Variants in PGBD5 observed in about 807,000 individuals in gnomAD.
PGBD5 encodes the protein piggyBac transposable element derived 5, also known as piggyBac transposable element-derived protein 5.
PGBD5 carries 14 observed loss-of-function variants against 47.9 expected under a neutral mutation model. The observed-to-expected ratio is 0.29, with a 90% CI of 0.19 to 0.46. The LOEUF (loss-of-function observed/expected upper bound fraction) is 0.46, where lower values mean the gene tolerates loss of function less well. PGBD5 is among the 20% of genes least tolerant of loss of function. PGBD5 has a pLI of 1.00. For missense variants in PGBD5, 635 were observed against 716.0 expected (o/e 0.89, Z 1.29); for synonymous variants, 316 against 306.3 (o/e 1.03, Z -0.33).
intron 1 of PGBD5, among the ~76,000 whole-genome samples, chr1:230,406,238 G>C (rs1477388946): frequency 6.7e-6 from 1 of 148,380 alleles, no homozygotes; most frequent in Non-Finnish European, 1.5e-5. Context: ...AACCCAGGAG[G>C]CAGAGCTTGC....
chr1:230,410,274 C>T (rs1467453681), intron 1 of PGBD5, among the ~76,000 whole-genome samples: 1 of 152,062 alleles, frequency 6.6e-6, no homozygotes, highest in African/African-American at 2.4e-5. Context: ...AATTCAAGAA[C>T]ATGACAAAAA....
intron 4 of PGBD5, among the ~76,000 whole-genome samples, chr1:230,334,641 C>T (rs1379679489): frequency 6.6e-6 from 1 of 152,162 alleles, no homozygotes. Flanking sequence ...CAATCTGTGT[C>T]CTGAGGAGGC....
chr1:230,323,329 C>T lies in PGBD5; in HGVS notation c.*96G>A. Reference sequence around the variant, plus strand: ...CATCCCTCCCAGGCAGCAAGCCACACACCAGGCCGTGTCCGGGTCTCTGAT... The same window carrying T: ...CATCCCTCCCAGGCAGCAAGCCACATACCAGGCCGTGTCCGGGTCTCTGAT... On this transcript the variant is annotated 3_prime_UTR_variant, in exon 7 of 7. Transcript: ENST00000391860. The surrounding 1 kb of genome is among the most constrained non-coding windows in gnomAD (Gnocchi z 4.1). 2 of 1,440,290 alleles carry T rather than the reference C, an allele frequency of 1.4e-6. No homozygotes were observed. Among genetic ancestry groups the T allele is most frequent in the Non-Finnish European group, 1.9e-6 (2 of 1,064,548 alleles). The allele number at this position is 1,440,290 out of a possible 1,614,324, so 89.2% of individuals were successfully genotyped here.
chr1:230,398,049 C>T (rs922223967), intron 1 of PGBD5, among the ~76,000 whole-genome samples: 2 of 152,154 alleles, frequency 1.3e-5, no homozygotes, highest in Non-Finnish European at 2.9e-5. Context: ...ATCTGGCACC[C>T]AGGAACTCCT....
chr1:230,396,499 A>C, intron 1 of PGBD5, among the ~76,000 whole-genome samples: 1 of 89,924 alleles, frequency 1.1e-5, no homozygotes, highest in Non-Finnish European at 2.2e-5. Context: ...GTCCTCCTCC[A>C]CTCACCCATA....
chr1:230,424,679 C>T (rs538639806), intron 1 of PGBD5, among the ~76,000 whole-genome samples: 1 of 152,366 alleles, frequency 6.6e-6, no homozygotes, highest in South Asian at 2.1e-4. Context: ...GCGCGCACTT[C>T]TACGGAAGAA....
In PGBD5 at chr1:230,340,244, C is replaced by T. The variant is rs146383230; in HGVS notation, c.895-2956G>A. 2.1e-3 allele frequency among the ~76,000 whole-genome samples: 322 copies of T among 151,930 alleles called. 1 individual carries two copies. The highest frequency in any genetic ancestry group is 7.4e-3 in the African/African-American group (308 of 41,444). ...TTAAAAGGATTTATATATAAAATACCATGTCCATTTCAGGGTTTTTTATAA... is the reference window on the plus strand; with the variant it reads ...TTAAAAGGATTTATATATAAAATACTATGTCCATTTCAGGGTTTTTTATAA... On this transcript the variant is annotated intron_variant, in intron 3 of 6. Transcript: ENST00000391860.
At chr1:230,340,460 ATG>A (rs1221792208) in intron 3 of PGBD5, among the ~76,000 whole-genome samples, 1 of 152,140 alleles carries the variant, frequency 6.6e-6, no homozygotes, top group Non-Finnish European at 1.5e-5. Flanking sequence ...GTGTGTGTAT[ATG>A]TGTGTGTTTA....
intron 3 of PGBD5, 119 bp from the exon 4 acceptor site, chr1:230,337,407 GC>G: frequency 9.6e-7 from 1 of 1,037,012 alleles, no homozygotes; most frequent in Non-Finnish European, 1.4e-6. Context: ...CCATGGAAAA[GC>G]CCCCATCATC....
At chr1:230,413,893 G>C (rs543427571) in intron 1 of PGBD5, among the ~76,000 whole-genome samples, 1 of 152,256 alleles carries the variant, frequency 6.6e-6, no homozygotes, top group South Asian at 2.1e-4. Flanking sequence ...GTGCAGAGTA[G>C]GCACTCTATA....
intron 5 of PGBD5, 101 bp from the exon 6 acceptor site, chr1:230,325,516 A>T (rs1328914339): frequency 3.8e-6 from 3 of 790,812 alleles, no homozygotes; most frequent in Non-Finnish European, 6.4e-6. Flanking sequence ...TCCCAACTTA[A>T]TAATGAGCAG....
chr1:230,386,753 A>C lies in PGBD5; in HGVS notation c.332-29432T>G, dbSNP rs145405657. On this transcript the variant is annotated intron_variant, in intron 1 of 6. Transcript: ENST00000391860. The stretch of plus-strand genomic sequence containing the variant: ...TTGTCATTTTTCTTCTTGATTTGGT[A>C]AGACATCTCTATATATTTAGACATT... Among the ~76,000 whole-genome samples, 496 of 152,306 alleles carry C rather than the reference A, an allele frequency of 3.3e-3. 2 individuals carry two copies. Among genetic ancestry groups the C allele is most frequent in the African/African-American group, 0.011 (474 of 41,554 alleles).
chr1:230,387,957 A>C (rs1357821821), intron 1 of PGBD5, among the ~76,000 whole-genome samples: 2 of 152,006 alleles, frequency 1.3e-5, no homozygotes, highest in Non-Finnish European at 2.9e-5. Flanking sequence ...GTGTATTTTG[A>C]CCCAGGCCAG....
chr1:230,354,260 A>T (rs1337597547), intron 2 of PGBD5, among the ~76,000 whole-genome samples: 1 of 151,748 alleles, frequency 6.6e-6, no homozygotes, highest in Non-Finnish European at 1.5e-5. Context: ...AGACCCTTTG[A>T]CTCTCCTGGA....
chr1:230,323,306 T>A lies in PGBD5; in HGVS notation c.*119A>T. ...CCTGTCCCTCCAGAGGCCCTGTGCA[T>A]CCCTCCCAGGCAGCAAGCCACACAC... On this transcript the variant is annotated 3_prime_UTR_variant, in exon 7 of 7. Transcript: ENST00000391860. The surrounding 1 kb of genome is among the most constrained non-coding windows in gnomAD (Gnocchi z 4.1). 8.4e-7 allele frequency: 1 copy of A among 1,190,116 alleles called. No homozygotes were observed. The highest frequency in any genetic ancestry group is 1.5e-5 in the African/African-American group (1 of 65,176). 73.7% of individuals were successfully genotyped at this position (1,190,116 alleles called of 1,614,324 possible). A position where few individuals can be genotyped will look rare whatever the true frequency, so the allele number is the denominator to read the frequency against.
intron 1 of PGBD5, among the ~76,000 whole-genome samples, chr1:230,422,009 CTA>C (rs1283729619): frequency 6.6e-6 from 1 of 152,040 alleles, no homozygotes; most frequent in African/African-American, 2.4e-5. Context: ...ATTTCCAATG[CTA>C]TATGTTTCTC....
intron 1 of PGBD5, among the ~76,000 whole-genome samples, chr1:230,408,107 A>G (rs1166465806): frequency 6.6e-6 from 1 of 151,912 alleles, no homozygotes; most frequent in Non-Finnish European, 1.5e-5. Flanking sequence ...AATCGCTCTT[A>G]ATTTTCACAA....
chr1:230,372,104 G>A (rs1195966230), intron 1 of PGBD5, among the ~76,000 whole-genome samples: 2 of 152,180 alleles, frequency 1.3e-5, no homozygotes, highest in South Asian at 4.1e-4. Context: ...TGCCCCAAGA[G>A]AACTGTCCAT....
intron 4 of PGBD5, among the ~76,000 whole-genome samples, chr1:230,335,756 G>GACGC (rs1667306041): frequency 0.013 from 3 of 224 alleles, no homozygotes; most frequent in African/African-American, 0.047. Context: ...GACACACACA[G>GACGC]ATACACAGAT....
Sources: gnomAD v4.1 joint callset for allele counts (sites outside exome capture counted in the v4.1 genomes callset) on GRCh38, gnomAD v4.1.1 for gene constraint, Gnocchi (gnomAD v3.1) non-coding constraint, MANE v1.5 for transcripts, NCBI Gene and HGNC (gene_info 2026-07-23, HGNC 2026-07-21) for gene names.